The following HS3ST4 variants were observed in gnomAD, a reference collection of about 807,000 sequenced individuals.
The protein encoded by HS3ST4 is heparan sulfate-glucosamine 3-sulfotransferase 4.
In HS3ST4, 17 loss-of-function variants were observed where a neutral mutation model predicts 29.2. That is an observed-to-expected ratio of 0.58 (90% CI 0.40 to 0.87). The LOEUF (loss-of-function observed/expected upper bound fraction) is 0.87, where lower values mean the gene tolerates loss of function less well. HS3ST4 is among the 40% of genes least tolerant of loss of function. The pLI, the probability that HS3ST4 is intolerant of heterozygous loss-of-function variation, is 0.00. For missense variants in HS3ST4, 627 were observed against 634.5 expected, an observed-to-expected ratio of 0.99 and a Z score of 0.13; for synonymous variants, 314 against 285.7, an observed-to-expected ratio of 1.10 and a Z score of -1.00.
Position 25,692,709 on chromosome 16 carries a change from C to T in HS3ST4, c.292C>T (p.Pro98Ser), listed in dbSNP as rs1359967996. 5 of 1,228,758 alleles carry T rather than the reference C, an allele frequency of 4.1e-6. No individual in the cohort carries two copies. The highest frequency in any genetic ancestry group is 5.1e-6 in the Non-Finnish European group (5 of 987,904). 76.1% of individuals were successfully genotyped at this position (1,228,758 alleles called of 1,614,324 possible). Residue 98 changes from proline to serine, a missense_variant, in exon 1 of 2, where the codon CCC becomes TCC. By Grantham distance (74) the Pro-to-Ser change is moderately conservative. This residue lies in a region of HS3ST4 where 402 missense variants were observed against 340.8 expected (regional missense o/e 1.18). Transcript: ENST00000331351. ...GCGCCTCGGCGCCCCCTCGCAGCCG[C>T]CCGCGCCGCCGCCGCTGGACAACGC... The part of the protein sequence containing the change: ...PVRLGAPSQP[P>S]APPPLDNASH...
chr16:25,796,007 A>G (rs780004922), intron 1 of HS3ST4, among the ~76,000 whole-genome samples: 1 of 152,066 alleles, frequency 6.6e-6, no homozygotes, highest in Non-Finnish European at 1.5e-5. Context: ...TTTCATAGAT[A>G]AATGCCAAGA....
chr16:25,764,624 A>G (rs1321866766), intron 1 of HS3ST4, among the ~76,000 whole-genome samples: 1 of 152,270 alleles, frequency 6.6e-6, no homozygotes, highest in Non-Finnish European at 1.5e-5. Context: ...TTAATTCTAC[A>G]GGACATCTAG....
intron 1 of HS3ST4, among the ~76,000 whole-genome samples, chr16:25,975,009 C>T (rs1357413060): frequency 3.3e-5 from 5 of 152,080 alleles, no homozygotes; most frequent in African/African-American, 9.7e-5. Context: ...TGGTTAAATT[C>T]CTTAAAATCA....
At chr16:26,029,891 G>A (rs1969516463) in intron 1 of HS3ST4, among the ~76,000 whole-genome samples, 1 of 152,162 alleles carries the variant, frequency 6.6e-6, no homozygotes, top group Non-Finnish European at 1.5e-5. Context: ...TGAGAAACCA[G>A]GATATGTCCT....
chr16:25,884,152 A>G lies in HS3ST4; in HGVS notation c.734+191001A>G, dbSNP rs575109389. 1.7e-3 allele frequency among the ~76,000 whole-genome samples: 257 copies of G among 152,242 alleles called. 1 individual carries two copies. The highest frequency in any genetic ancestry group is 6.1e-3 in the African/African-American group (254 of 41,558). On this transcript the variant is annotated intron_variant, in intron 1 of 1. Transcript: ENST00000331351. ...AAAGAATCCAACCTAGTTCAGAGCC[A>G]TGTCTCTAAATCACGGAAAAAGAAG...
chr16:25,930,165 A>G (rs1000994736), intron 1 of HS3ST4, among the ~76,000 whole-genome samples: 34 of 152,324 alleles, frequency 2.2e-4, no homozygotes, highest in African/African-American at 7.9e-4. Flanking sequence ...ATAGTATTCC[A>G]TGGTGTATAT....
intron 1 of HS3ST4, among the ~76,000 whole-genome samples, chr16:26,007,670 G>A (rs1267993051): frequency 6.6e-6 from 1 of 152,124 alleles, no homozygotes; most frequent in African/African-American, 2.4e-5. Context: ...TTCCTGATTT[G>A]TGCTTTCAGG....
At chr16:25,898,105 A>G (rs1428117129) in intron 1 of HS3ST4, among the ~76,000 whole-genome samples, 1 of 152,202 alleles carries the variant, frequency 6.6e-6, no homozygotes, top group African/African-American at 2.4e-5. Context: ...CCTCTGTCCC[A>G]TGGAGAGCTG....
chr16:25,879,103 C>G (rs1218267933), intron 1 of HS3ST4, among the ~76,000 whole-genome samples: 1 of 152,200 alleles, frequency 6.6e-6, no homozygotes, highest in Non-Finnish European at 1.5e-5. Flanking sequence ...CTGCACATAG[C>G]AGACCTTTAG....
chr16:26,033,581 G>T (rs1166771616), intron 1 of HS3ST4, among the ~76,000 whole-genome samples: 1 of 151,962 alleles, frequency 6.6e-6, no homozygotes, highest in Non-Finnish European at 1.5e-5. Flanking sequence ...ATATTAGCTG[G>T]GTGTGATGGT....
chr16:25,739,361 G>C (rs1966635905), intron 1 of HS3ST4, among the ~76,000 whole-genome samples: 1 of 151,964 alleles, frequency 6.6e-6, no homozygotes, highest in Non-Finnish European at 1.5e-5. Flanking sequence ...ACAAACAAAA[G>C]CAAACAAATA....
chr16:25,916,520 G>T (rs183564158), intron 1 of HS3ST4, among the ~76,000 whole-genome samples: 2 of 151,538 alleles, frequency 1.3e-5, no homozygotes, highest in Non-Finnish European at 2.9e-5. Context: ...GTGCCAACAC[G>T]CCCGGCTACT....
In HS3ST4 at chr16:25,968,805, T is replaced by TTTTG. The variant is rs199502212; in HGVS notation, c.735-166795_735-166792dup. Among the ~76,000 whole-genome samples, 1,230 of 152,088 alleles carry TTTTG rather than the reference T, an allele frequency of 8.1e-3. 17 individuals carry two copies. The highest frequency in any genetic ancestry group is 0.029 in the African/African-American group (1,185 of 41,498). ...GGTAGTCAGTTACCATCAACAAAAT[T>TTTTG]TTTGTTTGTTTGTTTTGTTTTGTTT... On this transcript the variant is annotated intron_variant, in intron 1 of 1. Coordinates refer to ENST00000331351, the MANE Select transcript of HS3ST4 (RefSeq NM_006040.3).
intron 1 of HS3ST4, among the ~76,000 whole-genome samples, chr16:25,858,682 A>G (rs1967608205): frequency 1.3e-5 from 2 of 151,944 alleles, no homozygotes; most frequent in Non-Finnish European, 2.9e-5. Flanking sequence ...TTCAATGGTT[A>G]TTTGTCTACT....
chr16:25,827,820 A>G (rs931561205), intron 1 of HS3ST4, among the ~76,000 whole-genome samples: 3 of 152,166 alleles, frequency 2.0e-5, no homozygotes, highest in African/African-American at 7.2e-5. Context: ...AGCTCATTTA[A>G]TATTCACAAG....
chr16:25,820,290 C>G (rs1337316435), intron 1 of HS3ST4, among the ~76,000 whole-genome samples: 1 of 152,088 alleles, frequency 6.6e-6, no homozygotes, highest in Non-Finnish European at 1.5e-5. Context: ...GAAGGCAAAT[C>G]TGAGGTCAAA....
intron 1 of HS3ST4, among the ~76,000 whole-genome samples, chr16:25,923,970 AG>A (rs1015898962): frequency 3.9e-5 from 6 of 152,284 alleles, no homozygotes; most frequent in Non-Finnish European, 5.9e-5. Flanking sequence ...ATGACTCAAA[AG>A]GTTTCATTTT....
chr16:26,016,160 C>T (rs1300925812), intron 1 of HS3ST4, among the ~76,000 whole-genome samples: 2 of 152,130 alleles, frequency 1.3e-5, no homozygotes, highest in African/African-American at 4.8e-5. Flanking sequence ...TGAATTTTAT[C>T]GTCTTGCATG....
chr16:26,070,584 G>T (rs1898591013), intron 1 of HS3ST4, among the ~76,000 whole-genome samples: 1 of 152,128 alleles, frequency 6.6e-6, no homozygotes, highest in Admixed American at 6.5e-5. Flanking sequence ...TTAGAGATTT[G>T]GCAACCAAGC....
Sources: gnomAD v4.1 joint callset for allele counts (sites outside exome capture counted in the v4.1 genomes callset) on GRCh38, gnomAD v4.1.1 for gene constraint, gnomAD v4.1.1 regional missense constraint, MANE v1.5 for transcripts, NCBI Gene and HGNC (gene_info 2026-07-23, HGNC 2026-07-21) for gene names.